OCA2: variants seen among roughly 807,000 people sequenced by gnomAD.
OCA2 encodes the protein OCA2 melanosomal transmembrane protein, also known as P protein.
In OCA2, 77 loss-of-function variants were observed where a neutral mutation model predicts 100.2. That is an observed-to-expected ratio of 0.77 (90% CI 0.64 to 0.93). OCA2 has a LOEUF of 0.93. Ranked by LOEUF, OCA2 falls within the 40% of genes least tolerant of loss-of-function variation. OCA2 has a pLI of 0.00. For synonymous variants in OCA2, 432 were observed against 439.2 expected (o/e 0.98, Z 0.21); for missense variants, 1,062 against 1,089.1 (o/e 0.98, Z 0.35).
chr15:27,822,385 T>C (rs2034541009), intron 23 of OCA2, among the ~76,000 whole-genome samples: 1 of 152,234 alleles, frequency 6.6e-6, no homozygotes, highest in African/African-American at 2.4e-5. Flanking sequence ...TTACTGCTGC[T>C]ATGAACACTC....
intron 15 of OCA2, among the ~76,000 whole-genome samples, chr15:27,961,254 A>G (rs2040402673): frequency 6.6e-6 from 1 of 152,232 alleles, no homozygotes; most frequent in South Asian, 2.1e-4. Flanking sequence ...ATGAGATACC[A>G]TCTCACTCCA....
intron 4 of OCA2, among the ~76,000 whole-genome samples, chr15:28,026,321 G>C (rs747387314): frequency 1.3e-5 from 2 of 152,142 alleles, no homozygotes; most frequent in African/African-American, 2.4e-5. Context: ...CTGAGGACAC[G>C]GCATCCTCAG....
intron 19 of OCA2, among the ~76,000 whole-genome samples, chr15:27,883,698 G>T (rs575954014): frequency 5.3e-4 from 80 of 152,328 alleles, no homozygotes; most frequent in African/African-American, 1.9e-3. Context: ...TACCATGGCA[G>T]AGGTACAAGC....
chr15:28,096,904 C>A (rs1048761590), intron 1 of OCA2, among the ~76,000 whole-genome samples: 3 of 152,000 alleles, frequency 2.0e-5, no homozygotes, highest in African/African-American at 7.2e-5. Context: ...CGAGCAGCGC[C>A]AGCAAACGCG....
intron 23 of OCA2, among the ~76,000 whole-genome samples, chr15:27,795,461 A>T (rs2033288650): frequency 6.6e-6 from 1 of 151,700 alleles, no homozygotes; most frequent in Non-Finnish European, 1.5e-5. Flanking sequence ...AGTCTCCTTG[A>T]ATGCTCTCTC....
chr15:27,827,564 A>T (rs2034781625), intron 23 of OCA2, among the ~76,000 whole-genome samples: 1 of 152,180 alleles, frequency 6.6e-6, no homozygotes, highest in Non-Finnish European at 1.5e-5. Context: ...AAGGAAAAAA[A>T]AAAACACATT....
chr15:28,022,423 C>G, intron 6 of OCA2, 78 bp downstream of exon 6: 1 of 1,075,566 alleles, frequency 9.3e-7, no homozygotes, highest in Admixed American at 1.7e-5. Flanking sequence ...CAGCAGCAGT[C>G]ACAACCGTCT....
At chr15:27,790,568 A>T (rs1158772412) in intron 23 of OCA2, among the ~76,000 whole-genome samples, 1 of 152,156 alleles carries the variant, frequency 6.6e-6, no homozygotes, top group Non-Finnish European at 1.5e-5. Context: ...AAAAGACAAA[A>T]CTATAGGGAC....
chr15:28,092,897 T>C (rs1292388954), intron 1 of OCA2, among the ~76,000 whole-genome samples: 1 of 152,082 alleles, frequency 6.6e-6, no homozygotes, highest in Non-Finnish European at 1.5e-5. Flanking sequence ...AGAGCTAACA[T>C]TACGCCTAAT....
the OCA2 span, among the ~76,000 whole-genome samples, chr15:27,720,512 A>G: frequency 8.6e-5 from 13 of 151,020 alleles, no homozygotes; most frequent in South Asian, 1.2e-3. Context: ...AAGAAGCTGT[A>G]TAAATATATT....
chr15:28,025,030 A>C, intron 4 of OCA2, 128 bp from the exon 5 acceptor site: 1 of 859,944 alleles, frequency 1.2e-6, no homozygotes, highest in Non-Finnish European at 1.9e-6. Flanking sequence ...CCATAACATG[A>C]TATGAGGGAG....
At chr15:27,890,549 G>T (rs558862138) in intron 19 of OCA2, among the ~76,000 whole-genome samples, 2 of 152,266 alleles carry the variant, frequency 1.3e-5, no homozygotes, top group South Asian at 4.1e-4. Flanking sequence ...GAAGGAAATG[G>T]TACAACATTT....
intron 19 of OCA2, among the ~76,000 whole-genome samples, chr15:27,925,650 CA>C (rs1350527818): frequency 6.6e-6 from 1 of 152,112 alleles, no homozygotes. Context: ...GAGGAGGACA[CA>C]AATTTATAAA....
downstream of OCA2, among the ~76,000 whole-genome samples, chr15:27,752,576 C>G (rs1049409878): frequency 3.3e-5 from 5 of 152,156 alleles, no homozygotes; most frequent in African/African-American, 1.2e-4. Context: ...CTCCCATTCC[C>G]GGACAGCATC....
chr15:27,757,057 C>T (rs1206884647), intron 23 of OCA2, among the ~76,000 whole-genome samples: 1 of 152,222 alleles, frequency 6.6e-6, no homozygotes, highest in East Asian at 1.9e-4. Flanking sequence ...TCTCCATGCA[C>T]AGGACCCTCT....
At chr15:27,744,430 G>T in the OCA2 span, among the ~76,000 whole-genome samples, 1 of 152,144 alleles carries the variant, frequency 6.6e-6, no homozygotes, top group African/African-American at 2.4e-5. Context: ...AAAGCCAGGG[G>T]TCAGGCCAGC....
chr15:27,791,399 A>G (rs2033073267), intron 23 of OCA2, among the ~76,000 whole-genome samples: 1 of 152,214 alleles, frequency 6.6e-6, no homozygotes. Context: ...TAAATGAAAG[A>G]AGCCAGACCC....
chr15:28,087,119 C>A (rs1161580622), intron 1 of OCA2, among the ~76,000 whole-genome samples: 1 of 152,042 alleles, frequency 6.6e-6, no homozygotes, highest in East Asian at 1.9e-4. Flanking sequence ...CCAAAGAAAT[C>A]CACACCAACA....
chr15:27,983,241 G>T, intron 14 of OCA2, 104 bp downstream of exon 14: 2 of 1,373,364 alleles, frequency 1.5e-6, no homozygotes, highest in Non-Finnish European at 2.1e-6. Context: ...TGAAGAGGTG[G>T]CGTGATGATC....
Sources: allele counts gnomAD v4.1 joint callset (sites outside exome capture counted in the v4.1 genomes callset), GRCh38; gene constraint gnomAD v4.1.1; transcripts MANE v1.5; gene names NCBI Gene and HGNC (gene_info 2026-07-23, HGNC 2026-07-21).